CTNNA3: variants seen among roughly 807,000 people sequenced by gnomAD.
CTNNA3 encodes catenin alpha-3.
A neutral mutation model predicts 95.7 loss-of-function variants in CTNNA3; 76 were observed. The observed-to-expected ratio is 0.79, with a 90% CI of 0.66 to 0.96. CTNNA3 has a LOEUF of 0.96. Ranked by LOEUF, CTNNA3 falls within the 40% of genes least tolerant of loss-of-function variation. The pLI is 0.00. For synonymous variants in CTNNA3, 431 were observed against 374.4 expected, an observed-to-expected ratio of 1.15 and a Z score of -1.74; for missense variants, 1,191 against 1,089.8, an observed-to-expected ratio of 1.09 and a Z score of -1.31.
rs147486442 is a variant in CTNNA3, at chr10:65,992,472, G to A, written c.2160-3675C>T. 3.2e-3 allele frequency among the ~76,000 whole-genome samples: 479 copies of A among 149,262 alleles called. 2 individuals are homozygous for A. Among genetic ancestry groups the A allele is most frequent in the Non-Finnish European group, 5.4e-3 (367 of 67,394 alleles). On this transcript the variant is annotated intron_variant, in intron 15 of 17. Coordinates refer to ENST00000433211, the MANE Select transcript of CTNNA3 (RefSeq NM_013266.4). ...TCTATTTTTTCCACACTTGATCTTCGTAGGTTTTGTGATTCCAGGAATTTA... is the reference window on the plus strand; with the variant it reads ...TCTATTTTTTCCACACTTGATCTTCATAGGTTTTGTGATTCCAGGAATTTA...
intron 16 of CTNNA3, among the ~76,000 whole-genome samples, chr10:65,977,792 A>G (rs1404668414): frequency 6.6e-6 from 1 of 151,500 alleles, no homozygotes; most frequent in Non-Finnish European, 1.5e-5. Context: ...AATTAAAAAA[A>G]TAATAAATAA....
intron 15 of CTNNA3, among the ~76,000 whole-genome samples, chr10:66,041,752 G>A (rs966075877): frequency 6.6e-6 from 1 of 151,834 alleles, no homozygotes; most frequent in Admixed American, 6.6e-5. Flanking sequence ...TCTTGAATCT[G>A]TACTTTCTGG....
rs919176967 is a variant in CTNNA3, at chr10:67,408,550, T to A, written c.579+113292A>T. ...CTAGCCCTATGTAGAAAATTAAAAC[T>A]GGACCCCTTCCTTACACTATATATA... On this transcript the variant is annotated intron_variant, in intron 5 of 17. Coordinates refer to ENST00000433211, the MANE Select transcript of CTNNA3 (RefSeq NM_013266.4). 2.0e-5 allele frequency among the ~76,000 whole-genome samples: 3 copies of A among 152,114 alleles called. No homozygotes were observed. The East Asian group carries it at 5.8e-4, about 29-fold the overall frequency.
At chr10:67,282,765 C>G (rs1473767908) in intron 5 of CTNNA3, among the ~76,000 whole-genome samples, 1 of 152,044 alleles carries the variant, frequency 6.6e-6, no homozygotes, top group Non-Finnish European at 1.5e-5. Flanking sequence ...AAGATTGGGG[C>G]TCAGAAAACA....
At chr10:66,465,224 C>G (rs1012846173) in intron 11 of CTNNA3, among the ~76,000 whole-genome samples, 2 of 152,098 alleles carry the variant, frequency 1.3e-5, no homozygotes, top group African/African-American at 4.8e-5. Flanking sequence ...GTAACAGTGA[C>G]TGATCACCAA....
chr10:66,299,382 A>G (rs968177898), intron 12 of CTNNA3, among the ~76,000 whole-genome samples: 1 of 152,254 alleles, frequency 6.6e-6, no homozygotes, highest in African/African-American at 2.4e-5. Flanking sequence ...CCATGGGGGT[A>G]GAAGAATAAT....
chr10:67,345,222 T>A (rs1208262103), intron 5 of CTNNA3, among the ~76,000 whole-genome samples: 1 of 152,146 alleles, frequency 6.6e-6, no homozygotes, highest in Non-Finnish European at 1.5e-5. Context: ...ATATTTCAAT[T>A]CTTTTGAATG....
chr10:67,688,268 A>G (rs1233604745), intron 1 of CTNNA3, among the ~76,000 whole-genome samples: 1 of 152,014 alleles, frequency 6.6e-6, no homozygotes, highest in Non-Finnish European at 1.5e-5. Context: ...GGGGACATAA[A>G]TGATAGCTCA....
chr10:66,912,886 G>A (rs933862023), intron 7 of CTNNA3, among the ~76,000 whole-genome samples: 5 of 150,208 alleles, frequency 3.3e-5, no homozygotes, highest in African/African-American at 1.2e-4. Context: ...ATACAGCCAA[G>A]GAAGCCACAA....
chr10:66,285,641 T>C (rs565587014), intron 12 of CTNNA3, among the ~76,000 whole-genome samples: 1 of 151,904 alleles, frequency 6.6e-6, no homozygotes, highest in Non-Finnish European at 1.5e-5. Flanking sequence ...TTTGTTCTTT[T>C]ATGTACTACT....
chr10:66,776,299 C>G (rs1840296363), intron 7 of CTNNA3, among the ~76,000 whole-genome samples: 2 of 152,100 alleles, frequency 1.3e-5, no homozygotes, highest in African/African-American at 4.8e-5. Flanking sequence ...TGATTCACCT[C>G]TAGGAAAATT....
chr10:66,888,338 C>T (rs12762007), intron 7 of CTNNA3, among the ~76,000 whole-genome samples: 9,924 of 152,236 alleles, frequency 0.065, 422 homozygotes, highest in Middle Eastern at 0.11. Context: ...CCTGGAACCT[C>T]CAGAAAGGAA....
At chr10:66,576,139 A>T (rs1240500352) in intron 10 of CTNNA3, among the ~76,000 whole-genome samples, 1 of 152,080 alleles carries the variant, frequency 6.6e-6, no homozygotes, top group Non-Finnish European at 1.5e-5. Context: ...GGCATTAATA[A>T]AGATATCTTG....
At chr10:66,954,689 G>A (rs1223192132) in intron 7 of CTNNA3, among the ~76,000 whole-genome samples, 3 of 152,174 alleles carry the variant, frequency 2.0e-5, no homozygotes, top group Non-Finnish European at 4.4e-5. Context: ...GTGCTAGCAG[G>A]CCTCAAAATG....
intron 7 of CTNNA3, among the ~76,000 whole-genome samples, chr10:66,827,583 C>T: frequency 6.6e-6 from 1 of 152,158 alleles, no homozygotes; most frequent in East Asian, 1.9e-4. Flanking sequence ...TCAACCATGA[C>T]TAGTTATATT....
At chr10:67,062,811 G>T (rs1395759249) in intron 7 of CTNNA3, among the ~76,000 whole-genome samples, 1 of 152,140 alleles carries the variant, frequency 6.6e-6, no homozygotes, top group Non-Finnish European at 1.5e-5. Context: ...AGATGAGAAA[G>T]AAAAATTAAT....
At chr10:67,644,656 A>T (rs1349722795) in intron 2 of CTNNA3, among the ~76,000 whole-genome samples, 3 of 152,052 alleles carry the variant, frequency 2.0e-5, no homozygotes, top group Non-Finnish European at 4.4e-5. Flanking sequence ...GTTTTTGATA[A>T]GGAGAATCCC....
At chr10:66,432,608 C>A (rs1043132634) in intron 11 of CTNNA3, among the ~76,000 whole-genome samples, 1 of 148,308 alleles carries the variant, frequency 6.7e-6, no homozygotes, top group South Asian at 2.1e-4. Flanking sequence ...TTGCAGTGAG[C>A]AGAGATTGCG....
At chr10:66,612,095 C>T (rs1179465867) in intron 10 of CTNNA3, among the ~76,000 whole-genome samples, 3 of 152,086 alleles carry the variant, frequency 2.0e-5, no homozygotes, top group Non-Finnish European at 4.4e-5. Flanking sequence ...TTCCCAGGTA[C>T]TAGGCTATAA....
Sources: allele counts gnomAD v4.1 joint callset (sites outside exome capture counted in the v4.1 genomes callset), GRCh38; gene constraint gnomAD v4.1.1; transcripts MANE v1.5; gene names NCBI Gene and HGNC (gene_info 2026-07-23, HGNC 2026-07-21).